The following KALRN variants were observed in gnomAD, a reference collection of about 807,000 sequenced individuals.
The protein encoded by KALRN is kalirin RhoGEF kinase.
KALRN carries 70 observed loss-of-function variants against 353.7 expected under a neutral mutation model. The ratio of observed to expected loss-of-function variants is 0.20; its 90% CI spans 0.16 to 0.24. KALRN has a LOEUF of 0.24. Ranked by LOEUF, KALRN falls within the 10% of genes least tolerant of loss-of-function variation. The pLI is 1.00. For synonymous variants in KALRN, 1,391 were observed against 1,434.8 expected (o/e 0.97, Z 0.69); for missense variants, 2,791 against 3,756.7 (o/e 0.74, Z 6.72).
At chr3:124,128,420 A>G (rs1480445509) in intron 1 of KALRN, among the ~76,000 whole-genome samples, 1 of 152,208 alleles carries the variant, frequency 6.6e-6, no homozygotes, top group East Asian at 1.9e-4. Context: ...GAGACTATTG[A>G]GATAGCAAAC....
rs576485367 is a variant in KALRN at position 124,674,625 on chromosome 3, C to T, written c.7193+11C>T. The T allele has an allele frequency of 4.7e-5, 73 of 1,566,294 alleles. No individual in the cohort carries two copies. In the East Asian group the frequency reaches 1.1e-3, roughly 23 times the overall value. ...TGACGGGAGCATCAAGTAAGTGCCT[C>T]GTTGGCTTCCCCGGGAGAGGAGTAT... On this transcript the variant is annotated intron_variant, in intron 49 of 59. Coordinates refer to ENST00000682506, the MANE Select transcript of KALRN (RefSeq NM_001388419.1).
At chr3:124,688,065 C>T (rs2061641912) in intron 51 of KALRN, among the ~76,000 whole-genome samples, 1 of 152,076 alleles carries the variant, frequency 6.6e-6, no homozygotes, top group Non-Finnish European at 1.5e-5. Context: ...AATCCCAGCA[C>T]ATTGGGCGGG....
intron 2 of KALRN, among the ~76,000 whole-genome samples, chr3:124,229,879 C>G (rs2078964225): frequency 6.6e-6 from 1 of 152,210 alleles, no homozygotes; most frequent in Admixed American, 6.5e-5. Context: ...CCATTAGGGG[C>G]TAGTATATCT....
At chr3:124,139,184 C>T in intron 1 of KALRN, among the ~76,000 whole-genome samples, 1 of 152,084 alleles carries the variant, frequency 6.6e-6, no homozygotes, top group East Asian at 1.9e-4. Flanking sequence ...AGAACCATAT[C>T]TCCTTGGATG....
chr3:124,664,862 T>G (rs2085423821), intron 45 of KALRN, among the ~76,000 whole-genome samples: 1 of 152,244 alleles, frequency 6.6e-6, no homozygotes, highest in Admixed American at 6.5e-5. Context: ...AGTTAGAGCC[T>G]CCTCTTTTAA....
In KALRN at chr3:124,425,376, A is replaced by G. The variant is rs537603693; in HGVS notation, c.2709+2398A>G. ...AAAATATCACATGTATCCCATAAAT[A>G]TGTACAATTATGTTTATCAATTCAA... is the stretch of plus-strand genomic sequence containing the variant. On this transcript the variant is annotated intron_variant, in intron 15 of 59. Transcript: ENST00000682506. Among the ~76,000 whole-genome samples, 4 of 152,366 alleles carry G rather than the reference A, an allele frequency of 2.6e-5. No homozygotes were observed. The South Asian group carries it at 6.2e-4, about 24-fold the overall frequency.
At chr3:124,044,865 C>A in intron 1 of KALRN, among the ~76,000 whole-genome samples, 1 of 24,012 alleles carries the variant, frequency 4.2e-5, no homozygotes, top group Non-Finnish European at 1.2e-4. Flanking sequence ...CTCCCTCCTT[C>A]CTTCCTTCCT....
intron 29 of KALRN, 30 bp from the exon 30 acceptor site, chr3:124,490,664 C>T (rs759088005): frequency 1.3e-6 from 2 of 1,597,442 alleles, no homozygotes. Context: ...AGTAGAGAAA[C>T]TCCACAGGGT....
chr3:124,064,636 G>A (rs2042212537), intron 1 of KALRN, among the ~76,000 whole-genome samples: 1 of 152,168 alleles, frequency 6.6e-6, no homozygotes, highest in South Asian at 2.1e-4. Flanking sequence ...TTGAGAGGGT[G>A]CCCAAAGGCA....
chr3:124,070,259 C>T (rs1228489805), intron 1 of KALRN, among the ~76,000 whole-genome samples: 1 of 152,136 alleles, frequency 6.6e-6, no homozygotes. Context: ...GAAAAACTTG[C>T]AGTCTTGAAA....
At chr3:124,406,885 G>T (rs1484828464) in intron 13 of KALRN, among the ~76,000 whole-genome samples, 3 of 145,878 alleles carry the variant, frequency 2.1e-5, no homozygotes, top group Non-Finnish European at 4.5e-5. Context: ...AAGCTGGAGT[G>T]CAGTGGCATG....
At chr3:124,072,830 C>T (rs2060082342) in intron 1 of KALRN, among the ~76,000 whole-genome samples, 1 of 152,184 alleles carries the variant, frequency 6.6e-6, no homozygotes, top group Non-Finnish European at 1.5e-5. Flanking sequence ...AAGTTGCTGG[C>T]CAGCCAGGGC....
intron 1 of KALRN, among the ~76,000 whole-genome samples, chr3:124,104,458 G>C (rs143366802): frequency 2.1e-3 from 324 of 152,316 alleles, no homozygotes; most frequent in African/African-American, 7.2e-3. Flanking sequence ...AGCAAATACA[G>C]GGTGTGCTTG....
At chr3:124,671,184 T>C (rs2086389871) in intron 47 of KALRN, among the ~76,000 whole-genome samples, 1 of 152,218 alleles carries the variant, frequency 6.6e-6, no homozygotes, top group African/African-American at 2.4e-5. Context: ...TTCCATCCAA[T>C]TACTTTTCAT....
chr3:124,622,812 TG>T (rs2149703483), intron 34 of KALRN, among the ~76,000 whole-genome samples: 1 of 152,358 alleles, frequency 6.6e-6, no homozygotes, highest in East Asian at 1.9e-4. Flanking sequence ...GTCCTGTGGA[TG>T]CAACAATAAA....
intron 32 of KALRN, among the ~76,000 whole-genome samples, chr3:124,495,334 CCA>C (rs1163638996): frequency 6.6e-6 from 1 of 152,254 alleles, no homozygotes; most frequent in East Asian, 1.9e-4. Context: ...AATTCCTTCT[CCA>C]CACCCAGGAG....
intron 1 of KALRN, among the ~76,000 whole-genome samples, chr3:124,123,199 C>CAAAT (rs2064235137): frequency 7.0e-6 from 1 of 143,660 alleles, no homozygotes; most frequent in African/African-American, 2.6e-5. Context: ...GACTCCATCT[C>CAAAT]AAAAAAAAAA....
intron 19 of KALRN, among the ~76,000 whole-genome samples, chr3:124,445,821 A>G (rs2093819173): frequency 6.6e-6 from 1 of 152,190 alleles, no homozygotes; most frequent in Non-Finnish European, 1.5e-5. Context: ...CTGGGGGCCA[A>G]TTGAATTAGT....
At chr3:124,659,815 G>A (rs2084587798) in intron 43 of KALRN, among the ~76,000 whole-genome samples, 1 of 147,576 alleles carries the variant, frequency 6.8e-6, no homozygotes, top group Admixed American at 6.7e-5. Context: ...GGAAAGGCAA[G>A]GCTTTAGAAA....
Sources: gnomAD v4.1 joint callset for allele counts (sites outside exome capture counted in the v4.1 genomes callset) on GRCh38, gnomAD v4.1.1 for gene constraint, MANE v1.5 for transcripts, NCBI Gene and HGNC (gene_info 2026-07-23, HGNC 2026-07-21) for gene names.